Variants in CALCRL observed in about 807,000 individuals in gnomAD.
The protein encoded by CALCRL is calcitonin receptor like receptor.
In CALCRL, 27 loss-of-function variants were observed where a neutral mutation model predicts 60.4. That is an observed-to-expected ratio of 0.45 (90% CI 0.33 to 0.62). The LOEUF is 0.62. CALCRL is among the 20% of genes least tolerant of loss of function. The pLI, the probability that CALCRL is intolerant of heterozygous loss-of-function variation, is 0.03. For missense variants in CALCRL, 424 were observed against 540.7 expected, an observed-to-expected ratio of 0.78 and a Z score of 2.14; for synonymous variants, 190 against 182.6, an observed-to-expected ratio of 1.04 and a Z score of -0.33.
chr2:187,357,049 TTGG>T (rs1307451062), intron 12 of CALCRL, among the ~76,000 whole-genome samples: 2 of 152,130 alleles, frequency 1.3e-5, no homozygotes, highest in African/African-American at 4.8e-5. Context: ...TTTTACAATG[TTGG>T]TGGGAGTGTA....
At chr2:187,351,895 G>A in intron 14 of CALCRL, 25 bp downstream of exon 14, 1 of 1,404,240 alleles carries the variant, frequency 7.1e-7, no homozygotes. Flanking sequence ...TAAAATAATA[G>A]AAGGAATAAA....
chr2:187,362,892 C>T, intron 9 of CALCRL, among the ~76,000 whole-genome samples: 1 of 152,018 alleles, frequency 6.6e-6, no homozygotes, highest in Non-Finnish European at 1.5e-5. Context: ...TTTTTAAAGT[C>T]AGCCTGATAC....
At chr2:187,388,866 CTT>C (rs1247221195) in intron 1 of CALCRL, among the ~76,000 whole-genome samples, 1 of 151,968 alleles carries the variant, frequency 6.6e-6, no homozygotes, top group African/African-American at 2.4e-5. Flanking sequence ...GGCAAAATTG[CTT>C]TTGCAAATCA....
intron 1 of CALCRL, among the ~76,000 whole-genome samples, chr2:187,441,172 G>A (rs1406948841): frequency 6.6e-6 from 1 of 151,952 alleles, no homozygotes; most frequent in African/African-American, 2.4e-5. Context: ...CTTAACCAAG[G>A]AAAACATAAA....
At chr2:187,430,480 T>C (rs1690352144) in intron 1 of CALCRL, among the ~76,000 whole-genome samples, 1 of 152,180 alleles carries the variant, frequency 6.6e-6, no homozygotes, top group African/African-American at 2.4e-5. Context: ...TTTAATTTTG[T>C]AGGAAAGGCA....
At chr2:187,383,536 G>A (rs1326919394) in intron 4 of CALCRL, among the ~76,000 whole-genome samples, 1 of 152,088 alleles carries the variant, frequency 6.6e-6, no homozygotes, top group East Asian at 1.9e-4. Context: ...TTGGCAGAGT[G>A]GGAAACCACA....
intron 1 of CALCRL, among the ~76,000 whole-genome samples, chr2:187,427,091 C>T (rs1392350809): frequency 6.6e-6 from 1 of 152,062 alleles, no homozygotes; most frequent in Non-Finnish European, 1.5e-5. Context: ...GGTGATACAA[C>T]ACTTGTGTTT....
chr2:187,362,193 A>G (rs1451172822), intron 9 of CALCRL, among the ~76,000 whole-genome samples: 1 of 152,188 alleles, frequency 6.6e-6, no homozygotes, highest in Non-Finnish European at 1.5e-5. Flanking sequence ...ATGACAATTT[A>G]TAATGTGTTT....
At chr2:187,377,362 G>A (rs1445343872) in intron 8 of CALCRL, among the ~76,000 whole-genome samples, 1 of 152,092 alleles carries the variant, frequency 6.6e-6, no homozygotes, top group Non-Finnish European at 1.5e-5. Context: ...TATAAGGAAA[G>A]AGTGACAGAG....
At chr2:187,432,440 A>G (rs1690445226) in intron 1 of CALCRL, among the ~76,000 whole-genome samples, 1 of 152,096 alleles carries the variant, frequency 6.6e-6, no homozygotes, top group Admixed American at 6.6e-5. Context: ...ACTATACCCA[A>G]CAATAATCAG....
intron 1 of CALCRL, among the ~76,000 whole-genome samples, chr2:187,402,425 G>C (rs1688929434): frequency 6.6e-6 from 1 of 151,214 alleles, no homozygotes; most frequent in Admixed American, 6.6e-5. Flanking sequence ...TTGTGAGTGT[G>C]TGTGTGTGTG....
chr2:187,360,481 A>T, intron 10 of CALCRL, 117 bp downstream of exon 10: 1 of 839,348 alleles, frequency 1.2e-6, no homozygotes. Context: ...AAAGTTAATC[A>T]CCTGATATTC....
At chr2:187,381,459 AT>A in intron 5 of CALCRL, among the ~76,000 whole-genome samples, 1 of 151,482 alleles carries the variant, frequency 6.6e-6, no homozygotes, top group South Asian at 2.1e-4. Context: ...TAAAAAAGTA[AT>A]TTTCTTTTTT....
chr2:187,446,762 C>A (rs1249452802), intron 1 of CALCRL, among the ~76,000 whole-genome samples: 1 of 151,732 alleles, frequency 6.6e-6, no homozygotes, highest in Admixed American at 6.6e-5. Flanking sequence ...AGCCATGATA[C>A]TCTTAAAGAA....
At chr2:187,353,190 C>T (rs1244845702) in intron 12 of CALCRL, among the ~76,000 whole-genome samples, 1 of 151,878 alleles carries the variant, frequency 6.6e-6, no homozygotes, top group African/African-American at 2.4e-5. Flanking sequence ...CTTATTTTCA[C>T]CCAGTCAATA....
chr2:187,362,458 T>G (rs1687094472), intron 9 of CALCRL, among the ~76,000 whole-genome samples: 1 of 152,034 alleles, frequency 6.6e-6, no homozygotes, highest in African/African-American at 2.4e-5. Flanking sequence ...TGAAAATTAC[T>G]CTAAAAACAC....
chr2:187,351,837 T>A (rs980132936), intron 14 of CALCRL, 83 bp downstream of exon 14: 1 of 856,016 alleles, frequency 1.2e-6, no homozygotes, highest in Middle Eastern at 3.5e-4. Context: ...GGGGAATTTA[T>A]AATTTTATCT....
At chr2:187,443,126 T>C (rs1691000525) in intron 1 of CALCRL, among the ~76,000 whole-genome samples, 1 of 151,832 alleles carries the variant, frequency 6.6e-6, no homozygotes, top group South Asian at 2.1e-4. Flanking sequence ...TTTATTAGGT[T>C]CTGGCATGTA....
At chr2:187,430,102 A>G (rs1020639832) in intron 1 of CALCRL, among the ~76,000 whole-genome samples, 1 of 152,212 alleles carries the variant, frequency 6.6e-6, no homozygotes, top group Non-Finnish European at 1.5e-5. Flanking sequence ...AGAAAAATCC[A>G]TCTGTCAGAT....
Sources: allele counts gnomAD v4.1 joint callset (sites outside exome capture counted in the v4.1 genomes callset), GRCh38; gene constraint gnomAD v4.1.1; transcripts MANE v1.5; gene names NCBI Gene and HGNC (gene_info 2026-07-23, HGNC 2026-07-21).